PIEZO2: variants seen among roughly 807,000 people sequenced by gnomAD.
The protein encoded by PIEZO2 is piezo type mechanosensitive ion channel component 2, also known as piezo-type mechanosensitive ion channel component 2.
Under a neutral mutation model 337.3 loss-of-function variants are expected in PIEZO2, and 172 were observed. That is an observed-to-expected ratio of 0.51 (90% confidence interval 0.45 to 0.58). The LOEUF is 0.58. Among genes scored for constraint, PIEZO2 ranks in the 20% least tolerant of loss-of-function variants. The pLI, the probability that PIEZO2 is intolerant of heterozygous loss-of-function variation, is 0.00. For synonymous variants in PIEZO2, 1,251 were observed against 1,228.5 expected (o/e 1.02, Z -0.38); for missense variants, 3,028 against 3,391.3 (o/e 0.89, Z 2.66).
chr18:10,848,700 T>C (rs928986885), intron 7 of PIEZO2, among the ~76,000 whole-genome samples: 1 of 152,188 alleles, frequency 6.6e-6, no homozygotes, highest in African/African-American at 2.4e-5. Context: ...TAGAGAAAGT[T>C]CATGAGTTGG....
At chr18:11,015,854 C>T (rs1005913968) in intron 2 of PIEZO2, among the ~76,000 whole-genome samples, 2 of 152,182 alleles carry the variant, frequency 1.3e-5, no homozygotes, top group African/African-American at 2.4e-5. Flanking sequence ...CACTTTAAAT[C>T]AAAACTGTTC....
At chr18:10,745,689 C>T (rs2037395088) in intron 30 of PIEZO2, among the ~76,000 whole-genome samples, 1 of 152,130 alleles carries the variant, frequency 6.6e-6, no homozygotes. Flanking sequence ...TTTGCCATCT[C>T]TCAAACCTGA....
At chr18:10,711,049 G>A (rs1161400957) in intron 39 of PIEZO2, among the ~76,000 whole-genome samples, 14 of 152,130 alleles carry the variant, frequency 9.2e-5, no homozygotes, top group Non-Finnish European at 1.5e-5. Context: ...TAAAACTGGG[G>A]GGATATTTTG....
chr18:10,857,188 T>A lies in PIEZO2; in HGVS notation c.516A>T (p.Ser172=). ...EELAEGEKID[S]EEALIYEEDF... is the part of the protein sequence containing the mutation. ...CCTCTTCATAGATCAGTGCCTCTTCTGAATCAATTTTTTCTCCTTCAGCCT... is the reference window on the plus strand; with the variant it reads ...CCTCTTCATAGATCAGTGCCTCTTCAGAATCAATTTTTTCTCCTTCAGCCT... Residue 172 remains serine (S), a synonymous_variant, in exon 6 of 56, where the codon TCA becomes TCT. Transcript: ENST00000674853. 1 of 1,537,792 alleles carries A rather than the reference T, an allele frequency of 6.5e-7. No homozygotes were observed. Among genetic ancestry groups the A allele is most frequent in the Non-Finnish European group, 8.7e-7 (1 of 1,147,024 alleles).
At position 10,724,184 on chromosome 18, in the gene PIEZO2, T is replaced by C. The variant is rs185350526; in HGVS notation, c.5030-5925A>G. 3.3e-5 allele frequency among the ~76,000 whole-genome samples: 5 copies of C among 152,278 alleles called. No homozygotes were observed. The East Asian group carries it at 9.7e-4, about 29-fold the overall frequency. On this transcript the variant is annotated intron_variant, in intron 36 of 55. Coordinates refer to ENST00000674853, the MANE Select transcript of PIEZO2 (RefSeq NM_001378183.1). This position sits in a 1 kb window ranked among gnomAD's most constrained non-coding sequence, Gnocchi z 5.8. Reference sequence around the variant, plus strand: ...TTAGAGGATTCCAGTAACCACCATCTAGGTGGGTGTTTAAAACTCTTGCTT... The same window carrying C: ...TTAGAGGATTCCAGTAACCACCATCCAGGTGGGTGTTTAAAACTCTTGCTT...
In PIEZO2 at chr18:11,069,826, T is replaced by C. The variant is rs1598911950; in HGVS notation, c.65-3604A>G. On this transcript the variant is annotated intron_variant, in intron 1 of 55. Coordinates refer to ENST00000674853, the MANE Select transcript of PIEZO2 (RefSeq NM_001378183.1). The surrounding 1 kb of genome is among the most constrained non-coding windows in gnomAD (Gnocchi z 4.9). ...TAGAACTAATTAATTCAGTAAAGTT[T>C]CAAAATACAAAATCAACACAAGAAA... Among the ~76,000 whole-genome samples, 5 of 152,286 alleles carry C rather than the reference T, an allele frequency of 3.3e-5. No individual in the cohort carries two copies. The South Asian group carries it at 1.0e-3, about 32-fold the overall frequency.
chr18:10,696,616 A>T, intron 45 of PIEZO2, 77 bp from the exon 46 acceptor site: 1 of 1,501,096 alleles, frequency 6.7e-7, no homozygotes, highest in Admixed American at 1.8e-5. Flanking sequence ...AGACACTGCC[A>T]TCATGCCACT....
At chr18:10,918,723 C>T (rs1459510338) in intron 3 of PIEZO2, among the ~76,000 whole-genome samples, 1 of 151,996 alleles carries the variant, frequency 6.6e-6, no homozygotes, top group Non-Finnish European at 1.5e-5. Flanking sequence ...AATACAACCA[C>T]TCTATTTCGA....
At chr18:10,807,406 A>C in intron 7 of PIEZO2, 132 bp from the exon 8 acceptor site, 1 of 746,178 alleles carries the variant, frequency 1.3e-6, no homozygotes, top group East Asian at 2.7e-5. Context: ...TAGATATTTC[A>C]ATTACCCTTC....
chr18:10,680,649 A>G (rs1388231262), intron 51 of PIEZO2, among the ~76,000 whole-genome samples: 4 of 152,166 alleles, frequency 2.6e-5, no homozygotes, highest in Non-Finnish European at 5.9e-5. Context: ...AAAACAGATA[A>G]TTTAGTGTCA....
At chr18:11,082,380 C>T (rs977882443) in intron 1 of PIEZO2, among the ~76,000 whole-genome samples, 6 of 151,170 alleles carry the variant, frequency 4.0e-5, no homozygotes, top group Admixed American at 1.3e-4. Flanking sequence ...TGCAGTGGCG[C>T]GATCTCAGTT....
Position 10,697,755 on chromosome 18 carries a change from T to C in PIEZO2, c.6820A>G (p.Ile2274Val). Residue 2274 changes from isoleucine (I) to valine (V), a missense_variant, in exon 45 of 56, where the codon ATA becomes GTA. By Grantham distance (29) the Ile-to-Val change is conservative. Coordinates refer to ENST00000674853, the MANE Select transcript of PIEZO2 (RefSeq NM_001378183.1). ...EHLIKAKAFT[I>V]KKTLEIYVPI... Reference sequence around the variant, plus strand: ...ATGTTCTCATGGACTCACTTCTTTATGGTAAAGGCTTTTGCTTTGATTAAA... The same window carrying C: ...ATGTTCTCATGGACTCACTTCTTTACGGTAAAGGCTTTTGCTTTGATTAAA... The C allele has an allele frequency of 1.2e-6, 2 of 1,613,756 alleles. No individual in the cohort carries two copies. The highest frequency in any genetic ancestry group is 1.7e-6 in the Non-Finnish European group (2 of 1,179,978).
At chr18:11,066,412 C>T (rs192786964) in intron 1 of PIEZO2, among the ~76,000 whole-genome samples, 190 bp from the exon 2 acceptor site, 2 of 152,086 alleles carry the variant, frequency 1.3e-5, no homozygotes, top group East Asian at 1.9e-4. Flanking sequence ...TTGAGCATGA[C>T]GAGAAGCAGA....
In PIEZO2 at chr18:10,831,689, T is replaced by C. The variant is rs190877661; in HGVS notation, c.917+23664A>G. 4.8e-3 allele frequency among the ~76,000 whole-genome samples: 734 copies of C among 152,298 alleles called. 7 individuals carry two copies. The highest frequency in any genetic ancestry group is 0.017 in the African/African-American group (697 of 41,550). ...ACAAAGAAATGATAAATGCTTGAGG[T>C]GATGGATACCCATTTAACCTGATGT... On this transcript the variant is annotated intron_variant, in intron 7 of 55. Coordinates refer to ENST00000674853, the MANE Select transcript of PIEZO2 (RefSeq NM_001378183.1).
At position 10,705,641 on chromosome 18, in the gene PIEZO2, C is replaced by A; in HGVS notation, c.5694G>T (p.Glu1898Asp). ...QEEEAGSTAP[E>D]PREAKEYEAT... ...CCTCGTACTCCTTGGCCTCCCTGGG[C>A]TCAGGCGCCGTGCTCCCTGCCTCCT... The change falls in exon 41 of 56, where the codon GAG becomes GAT. Residue 1898 changes from glutamate (E) to aspartate (D), a missense_variant. Physicochemically the swap from Glu to Asp is conservative, Grantham distance 45 (BLOSUM62 2). Coordinates refer to ENST00000674853, the MANE Select transcript of PIEZO2 (RefSeq NM_001378183.1). The A allele has an allele frequency of 6.5e-7, 1 of 1,537,180 alleles. No individual in the cohort carries two copies. Among genetic ancestry groups the A allele is most frequent in the South Asian group, 1.2e-5 (1 of 84,052 alleles).
intron 13 of PIEZO2, among the ~76,000 whole-genome samples, chr18:10,793,258 C>CAAA (rs571365611): frequency 0.015 from 2,237 of 144,688 alleles, 35 homozygotes; most frequent in African/African-American, 0.053. Flanking sequence ...AACTCCGTCT[C>CAAA]AAAAAAAAAA....
chr18:10,784,705 G>T lies in PIEZO2; in HGVS notation c.2492+79C>A. ...GAAACTTTTAGATTACTGGCTTCTC[G>T]CAAGGTGGCCAACCTAAGGTAGGGT... On this transcript the variant is annotated intron_variant, in intron 17 of 55. Coordinates refer to ENST00000674853, the MANE Select transcript of PIEZO2 (RefSeq NM_001378183.1). The surrounding 1 kb of genome is among the most constrained non-coding windows in gnomAD (Gnocchi z 4.5). 2.3e-6 allele frequency: 3 copies of T among 1,305,544 alleles called. No homozygotes were observed. Among genetic ancestry groups the T allele is most frequent in the Admixed American group, 3.1e-5 (1 of 31,818 alleles). 80.9% of individuals were successfully genotyped at this position (1,305,544 alleles called of 1,614,324 possible).
chr18:11,030,846 A>C (rs1269038643), intron 2 of PIEZO2, among the ~76,000 whole-genome samples: 2 of 152,196 alleles, frequency 1.3e-5, no homozygotes, highest in African/African-American at 4.8e-5. Context: ...ATCTAGACAA[A>C]AAGCATTTCA....
Position 10,724,415 on chromosome 18 carries a change from G to A in PIEZO2, c.5030-6156C>T, listed in dbSNP as rs369903124. Among the ~76,000 whole-genome samples, 4 of 152,178 alleles carry A rather than the reference G, an allele frequency of 2.6e-5. No homozygotes were observed. The highest frequency in any genetic ancestry group is 2.6e-4 in the Admixed American group (4 of 15,282). ...TCCTGGCCCAGCATACTTGGGTGAA[G>A]TCTGCTGGAGGCAATGCATGCTGCA... is the stretch of plus-strand genomic sequence containing the variant. On this transcript the variant is annotated intron_variant, in intron 36 of 55. Coordinates refer to ENST00000674853, the MANE Select transcript of PIEZO2 (RefSeq NM_001378183.1). This position sits in a 1 kb window ranked among gnomAD's most constrained non-coding sequence, Gnocchi z 5.8.
Sources: allele counts gnomAD v4.1 joint callset (sites outside exome capture counted in the v4.1 genomes callset), GRCh38; gene constraint gnomAD v4.1.1; non-coding constraint Gnocchi (gnomAD v3.1); transcripts MANE v1.5; gene names NCBI Gene and HGNC (gene_info 2026-07-23, HGNC 2026-07-21).